LRP1B: variants seen among roughly 807,000 people sequenced by gnomAD.
The protein encoded by LRP1B is LDL receptor related protein 1B, also known as low-density lipoprotein receptor-related protein 1B.
LRP1B carries 217 observed loss-of-function variants against 556.6 expected under a neutral mutation model. The observed-to-expected ratio is 0.39, with a 90% CI of 0.35 to 0.44. LRP1B has a LOEUF of 0.44. LRP1B is among the 20% of genes least tolerant of loss of function. The pLI, the probability that LRP1B is intolerant of heterozygous loss-of-function variation, is 1.00. For synonymous variants in LRP1B, 2,047 were observed against 1,865.8 expected (o/e 1.10, Z -2.50); for missense variants, 5,053 against 5,620.8 (o/e 0.90, Z 3.23).
At chr2:140,744,892 G>T (rs1688266273) in intron 35 of LRP1B, among the ~76,000 whole-genome samples, 1 of 152,092 alleles carries the variant, frequency 6.6e-6, no homozygotes, top group Admixed American at 6.6e-5. Flanking sequence ...TGCATCCTTA[G>T]TATGTAGAAT....
chr2:141,282,680 C>T (rs1224213691), intron 3 of LRP1B, among the ~76,000 whole-genome samples: 2 of 151,760 alleles, frequency 1.3e-5, no homozygotes, highest in East Asian at 3.9e-4. Context: ...ACTAGAATTA[C>T]TATTAAAGTG....
intron 2 of LRP1B, among the ~76,000 whole-genome samples, chr2:141,649,976 T>C (rs977716364): frequency 6.6e-6 from 1 of 152,152 alleles, no homozygotes; most frequent in African/African-American, 2.4e-5. Flanking sequence ...GGTCAGGAGT[T>C]TGAGACCAGC....
intron 3 of LRP1B, among the ~76,000 whole-genome samples, chr2:141,324,114 T>TCACA (rs113196488): frequency 0.052 from 3,477 of 66,764 alleles, 56 homozygotes; most frequent in Non-Finnish European, 0.065. Flanking sequence ...AACAAAGAAA[T>TCACA]CACACACACA....
intron 41 of LRP1B, among the ~76,000 whole-genome samples, chr2:140,660,947 G>A (rs1685070454): frequency 6.7e-6 from 1 of 150,060 alleles, no homozygotes; most frequent in African/African-American, 2.5e-5. Flanking sequence ...TTTGTCAAAT[G>A]TTTTCTTAAT....
At chr2:140,800,244 G>C (rs1690461719) in intron 32 of LRP1B, among the ~76,000 whole-genome samples, 1 of 152,088 alleles carries the variant, frequency 6.6e-6, no homozygotes, top group African/African-American at 2.4e-5. Flanking sequence ...ACTGGGGCCT[G>C]TCATAGGGGA....
In LRP1B at chr2:140,233,203, T is replaced by A; in HGVS notation, c.13783A>T (p.Arg4595Ter). 6.3e-7 allele frequency: 1 copy of A among 1,599,774 alleles called. No individual in the cohort carries two copies. The highest frequency in any genetic ancestry group is 8.5e-7 in the Non-Finnish European group (1 of 1,169,920). The stretch of plus-strand genomic sequence containing the variant: ...ATCACTGATTATGCCACTGTCTCTC[T>A]TATACCAATTTCTATTTTCTTTGGA... ...LLPKKIEIGI[R>*]ETVA The change falls in exon 91 of 91, where the codon AGA becomes TGA. Residue 4595 changes from arginine (R) to a stop codon, truncating the protein, a stop_gained. Transcript: ENST00000389484. LOFTEE classifies it high-confidence loss of function.
At chr2:141,073,146 C>T (rs1699691339) in intron 7 of LRP1B, among the ~76,000 whole-genome samples, 1 of 152,130 alleles carries the variant, frequency 6.6e-6, no homozygotes, top group Non-Finnish European at 1.5e-5. Flanking sequence ...TACATCCAAA[C>T]TTTGCTACAG....
In LRP1B at chr2:141,266,206, A is replaced by C. The variant is rs546571891; in HGVS notation, c.344-11565T>G. ...GGGGGTGATGGCAGGCGCCTGTAAA[A>C]CCAGCTATTCAAGAGGCTGAGACAG... On this transcript the variant is annotated intron_variant, in intron 3 of 90. Coordinates refer to ENST00000389484, the MANE Select transcript of LRP1B (RefSeq NM_018557.3). 2.1e-3 allele frequency among the ~76,000 whole-genome samples: 326 copies of C among 151,740 alleles called. 1 individual carries two copies. Among genetic ancestry groups the C allele is most frequent in the African/African-American group, 7.3e-3 (302 of 41,332 alleles).
chr2:141,490,930 G>GTT (rs67482957), intron 2 of LRP1B, among the ~76,000 whole-genome samples: 2 of 135,750 alleles, frequency 1.5e-5, no homozygotes, highest in African/African-American at 5.6e-5. Flanking sequence ...AGGTTAAAAT[G>GTT]TTTTTTTTTT....
Position 140,707,329 on chromosome 2 carries a change from G to T in LRP1B, c.6024-4776C>A, listed in dbSNP as rs552694549. On this transcript the variant is annotated intron_variant, in intron 37 of 90. Coordinates refer to ENST00000389484, the MANE Select transcript of LRP1B (RefSeq NM_018557.3). ...CGGCAGTTGGCCTTGGTCAAGAAAA[G>T]AATCGAGAATGTCATTGTGTCGTCT... is the stretch of plus-strand genomic sequence containing the variant. Among the ~76,000 whole-genome samples the T allele has an allele frequency of 9.9e-5, 15 of 152,214 alleles. No individual in the cohort carries two copies. In the South Asian group the frequency reaches 1.5e-3, roughly 15 times the overall value.
chr2:141,906,348 T>C (rs1699760533), intron 1 of LRP1B, among the ~76,000 whole-genome samples: 1 of 152,014 alleles, frequency 6.6e-6, no homozygotes, highest in African/African-American at 2.4e-5. Context: ...TTCTTCTTTT[T>C]TCGTATATGC....
chr2:141,245,952 G>T (rs1684052143), intron 5 of LRP1B, among the ~76,000 whole-genome samples: 1 of 151,778 alleles, frequency 6.6e-6, no homozygotes, highest in African/African-American at 2.4e-5. Context: ...GAACCTATAT[G>T]TTCTAGGCAA....
At chr2:142,041,154 T>C (rs1704052074) in intron 1 of LRP1B, among the ~76,000 whole-genome samples, 1 of 151,446 alleles carries the variant, frequency 6.6e-6, no homozygotes, top group African/African-American at 2.4e-5. Flanking sequence ...TCATGTATTT[T>C]CATAGTTGAA....
At chr2:141,339,007 G>C (rs1687948132) in intron 3 of LRP1B, among the ~76,000 whole-genome samples, 1 of 151,796 alleles carries the variant, frequency 6.6e-6, no homozygotes, top group African/African-American at 2.4e-5. Context: ...TTGCTTGCTT[G>C]CATTTTCTCT....
intron 17 of LRP1B, among the ~76,000 whole-genome samples, chr2:140,987,496 T>C (rs897840837): frequency 6.7e-6 from 1 of 149,790 alleles, no homozygotes; most frequent in African/African-American, 2.6e-5. Flanking sequence ...TTTACTACTA[T>C]AAATAGCTAG....
At chr2:141,954,047 CCT>C (rs1030318091) in intron 1 of LRP1B, among the ~76,000 whole-genome samples, 1 of 152,006 alleles carries the variant, frequency 6.6e-6, no homozygotes, top group Non-Finnish European at 1.5e-5. Context: ...TACTTCTATA[CCT>C]CTCTCTCTCG....
Position 140,350,996 on chromosome 2 carries a change from A to C in LRP1B, c.11693T>G (p.Ile3898Ser). The change falls in exon 77 of 91, where the codon ATC (isoleucine) becomes AGC (serine). Residue 3898 changes from isoleucine (I) to serine (S), a missense_variant. Around this residue, in one of 5 missense-constraint regions of LRP1B, gnomAD observed 599 missense variants for 648.4 expected, o/e 0.92. Transcript: ENST00000389484. The part of the protein sequence containing the change: ...QVLYIANDTD[I>S]LGFIYPFNYS... ...GTTGAATGGATATATAAAACCCAGG[A>C]TATCAGTGTCATTAGCAATGTAGAG... 1 of 1,602,362 alleles carries C rather than the reference A, an allele frequency of 6.2e-7. No homozygotes were observed. The highest frequency in any genetic ancestry group is 8.5e-7 in the Non-Finnish European group (1 of 1,170,378).
intron 7 of LRP1B, among the ~76,000 whole-genome samples, chr2:141,092,808 T>G (rs1356806552): frequency 6.6e-6 from 1 of 152,182 alleles, no homozygotes; most frequent in African/African-American, 2.4e-5. Flanking sequence ...GCGTTCGAGA[T>G]GTGAAATGAA....
intron 1 of LRP1B, among the ~76,000 whole-genome samples, chr2:141,981,861 C>T (rs1258554919): frequency 2.6e-5 from 4 of 152,086 alleles, no homozygotes; most frequent in African/African-American, 9.7e-5. Context: ...TGTCTTTCCC[C>T]TACTTCCCTG....
Sources: gnomAD v4.1 joint callset for allele counts (sites outside exome capture counted in the v4.1 genomes callset) on GRCh38, gnomAD v4.1.1 for gene constraint, gnomAD v4.1.1 regional missense constraint, MANE v1.5 for transcripts, NCBI Gene and HGNC (gene_info 2026-07-23, HGNC 2026-07-21) for gene names.